SYT14: variants seen among roughly 807,000 people sequenced by gnomAD.
SYT14 encodes the protein synaptotagmin 14.
Under a neutral mutation model 74.2 loss-of-function variants are expected in SYT14, and 32 were observed. That is an observed-to-expected ratio of 0.43 (90% CI 0.33 to 0.58). SYT14 has a LOEUF of 0.58. SYT14 is among the 20% of genes least tolerant of loss of function. SYT14 has a pLI of 0.05. For missense variants in SYT14, 791 were observed against 981.8 expected, an observed-to-expected ratio of 0.81 and a Z score of 2.60; for synonymous variants, 298 against 337.7, an observed-to-expected ratio of 0.88 and a Z score of 1.29.
chr1:210,039,322 GC>G (rs977589930), intron 5 of SYT14, among the ~76,000 whole-genome samples: 6 of 152,030 alleles, frequency 3.9e-5, no homozygotes, highest in Non-Finnish European at 8.8e-5. Context: ...TATAAAAGAT[GC>G]CTGCCCTTAG....
At chr1:210,125,416 C>T (rs968569242) in intron 7 of SYT14, among the ~76,000 whole-genome samples, 1 of 152,114 alleles carries the variant, frequency 6.6e-6, no homozygotes, top group African/African-American at 2.4e-5. Flanking sequence ...TATGGTATTC[C>T]ATGGTGTATA....
intron 1 of SYT14, 79 bp downstream of exon 1, chr1:209,938,356 G>A (rs1000612017): frequency 1.4e-5 from 21 of 1,450,404 alleles, no homozygotes; most frequent in Non-Finnish European, 2.0e-5. Flanking sequence ...CCGGCAGGCC[G>A]AGGCGCTGAC....
At chr1:210,072,099 T>A (rs1030240666) in intron 5 of SYT14, among the ~76,000 whole-genome samples, 2 of 150,160 alleles carry the variant, frequency 1.3e-5, no homozygotes, top group Non-Finnish European at 3.0e-5. Flanking sequence ...TCAGATTTTT[T>A]AAAATAATTA....
chr1:210,143,733 A>T (rs908087884), intron 7 of SYT14, among the ~76,000 whole-genome samples: 16 of 152,178 alleles, frequency 1.1e-4, no homozygotes, highest in Admixed American at 5.2e-4. Context: ...AGATATAAAG[A>T]TAGTGTAGTT....
intron 2 of SYT14, among the ~76,000 whole-genome samples, chr1:210,003,173 A>T (rs766095323): frequency 6.6e-6 from 1 of 152,154 alleles, no homozygotes; most frequent in Non-Finnish European, 1.5e-5. Flanking sequence ...TCAAAACATG[A>T]TCCCTCACTC....
intron 5 of SYT14, among the ~76,000 whole-genome samples, chr1:210,065,757 G>A (rs769362089): frequency 6.6e-6 from 1 of 151,666 alleles, no homozygotes; most frequent in Non-Finnish European, 1.5e-5. Flanking sequence ...TTAAGTTTTA[G>A]GGTACATGTG....
chr1:210,086,316 A>G (rs1236029856), intron 5 of SYT14, among the ~76,000 whole-genome samples: 1 of 152,214 alleles, frequency 6.6e-6, no homozygotes, highest in Non-Finnish European at 1.5e-5. Context: ...ATACTGTGTA[A>G]CTACGTACAT....
intron 8 of SYT14, 75 bp downstream of exon 7, chr1:210,155,985 C>G: frequency 1.5e-6 from 2 of 1,314,034 alleles, no homozygotes; most frequent in Non-Finnish European, 2.2e-6. Flanking sequence ...GAGTTCAATC[C>G]TATCATTTAG....
chr1:210,042,069 C>T lies in SYT14; in HGVS notation c.1312+20815C>T, dbSNP rs12561877. 0.015 allele frequency among the ~76,000 whole-genome samples: 2,334 copies of T among 151,974 alleles called. 187 individuals are homozygous for T. In the East Asian group the frequency reaches 0.25, roughly 16 times the overall value. On this transcript the variant is annotated intron_variant, in intron 5 of 9. Transcript: ENST00000637265. ...ACCTTAGGATGTTGCATTCTGAGTG[C>T]ATTCTACAGTTATTCTCACAACTGC...
intron 7 of SYT14, among the ~76,000 whole-genome samples, chr1:210,103,970 T>G (rs1282431963): frequency 6.6e-6 from 1 of 152,196 alleles, no homozygotes; most frequent in Non-Finnish European, 1.5e-5. Flanking sequence ...AAAATTGACT[T>G]TCCCCGTCTC....
chr1:210,109,576 C>CA (rs11392476), intron 7 of SYT14, among the ~76,000 whole-genome samples: 63,969 of 130,226 alleles, frequency 0.49, 17,105 homozygotes, highest in East Asian at 0.91. Context: ...GACTCTGTCT[C>CA]AAAAAAAAAA....
chr1:210,042,271 C>T (rs754929225), intron 5 of SYT14, among the ~76,000 whole-genome samples: 2 of 152,136 alleles, frequency 1.3e-5, no homozygotes, highest in Non-Finnish European at 2.9e-5. Flanking sequence ...AACAAATGAG[C>T]TTAACCCTGT....
At chr1:209,971,884 G>T (rs1012619571) in intron 2 of SYT14, among the ~76,000 whole-genome samples, 1 of 152,130 alleles carries the variant, frequency 6.6e-6, no homozygotes, top group African/African-American at 2.4e-5. Context: ...TGGTATTAGG[G>T]TGATGCTGGC....
intron 2 of SYT14, among the ~76,000 whole-genome samples, chr1:210,011,924 G>A (rs1339201761): frequency 2.0e-5 from 3 of 152,080 alleles, no homozygotes; most frequent in Non-Finnish European, 4.4e-5. Flanking sequence ...TGATATAGGG[G>A]CAAATAATAA....
chr1:209,970,603 T>G (rs950359531), intron 2 of SYT14, among the ~76,000 whole-genome samples: 2 of 150,636 alleles, frequency 1.3e-5, no homozygotes, highest in African/African-American at 2.4e-5. Context: ...CTGTGAAGAA[T>G]GACATTGGTA....
At chr1:209,989,514 A>G (rs977902286) in intron 2 of SYT14, among the ~76,000 whole-genome samples, 1 of 152,208 alleles carries the variant, frequency 6.6e-6, no homozygotes, top group Admixed American at 6.5e-5. Flanking sequence ...CCTTTGAATC[A>G]TTGTCTTAGA....
intron 7 of SYT14, among the ~76,000 whole-genome samples, chr1:210,105,877 A>G (rs551769312): frequency 5.3e-5 from 8 of 152,250 alleles, no homozygotes; most frequent in Middle Eastern, 3.4e-3. Flanking sequence ...TGCTCTCTTC[A>G]TGTGACATGC....
intron 5 of SYT14, among the ~76,000 whole-genome samples, chr1:210,080,049 A>G (rs562763999): frequency 6.6e-6 from 1 of 152,326 alleles, no homozygotes; most frequent in African/African-American, 2.4e-5. Flanking sequence ...ATTTAATTCT[A>G]GATTTATCTA....
chr1:210,041,460 T>A (rs1373421019), intron 5 of SYT14, among the ~76,000 whole-genome samples: 1 of 152,134 alleles, frequency 6.6e-6, no homozygotes, highest in East Asian at 1.9e-4. Flanking sequence ...GCCCTATAAT[T>A]TACAAAAAAT....
Sources: allele counts gnomAD v4.1 joint callset (sites outside exome capture counted in the v4.1 genomes callset), GRCh38; gene constraint gnomAD v4.1.1; transcripts MANE v1.5; gene names NCBI Gene and HGNC (gene_info 2026-07-23, HGNC 2026-07-21).